The following SYTL5 variants were observed in gnomAD, a reference collection of about 807,000 sequenced individuals.
The protein encoded by SYTL5 is synaptotagmin-like protein 5.
A neutral mutation model predicts 55.9 loss-of-function variants in SYTL5; 34 were observed. The ratio of observed to expected loss-of-function variants is 0.61; its 90% CI spans 0.46 to 0.81. The LOEUF is 0.81. Among genes scored for constraint, SYTL5 ranks in the 30% least tolerant of loss-of-function variants. The pLI is 0.00. For missense variants in SYTL5, 637 were observed against 546.7 expected, an observed-to-expected ratio of 1.17 and a Z score of -1.65; for synonymous variants, 221 against 188.7, an observed-to-expected ratio of 1.17 and a Z score of -1.40.
At position 38,122,142 on chromosome X, in the gene SYTL5, G is replaced by A; in HGVS notation, c.1768G>A (p.Glu590Lys). 6.6e-6 allele frequency: 8 copies of A among 1,205,346 alleles called. No homozygotes were observed. Among genetic ancestry groups the A allele is most frequent in the Non-Finnish European group, 7.9e-6 (7 of 890,369 alleles). Residue 590 changes from glutamate (E) to lysine (K), a missense_variant, in exon 15 of 17, where the codon GAA becomes AAA. Physicochemically the swap from Glu to Lys is moderately conservative, Grantham distance 56. Coordinates refer to ENST00000297875, the MANE Select transcript of SYTL5 (RefSeq NM_138780.3). ...ACCTGTAATCTCTGGAGGAATACTA[G>A]AAGTGTTCATCAAAGAGGCAAAGAA... is the stretch of plus-strand genomic sequence containing the variant. ...ESPVISGGIL[E>K]VFIKEAKNLT...
At chrX:38,077,570 G>T (rs7051090) in intron 6 of SYTL5, among the ~76,000 whole-genome samples, 3,699 of 110,225 alleles carry the variant, frequency 0.034, 141 homozygotes, top group African/African-American at 0.12. Flanking sequence ...TTTGACTATT[G>T]GGTTATTTTT....
At chrX:38,079,829 C>T (rs949493978) in intron 6 of SYTL5, among the ~76,000 whole-genome samples, 1 of 111,923 alleles carries the variant, frequency 8.9e-6, no homozygotes, top group African/African-American at 3.2e-5. Context: ...GACCATTGCA[C>T]TCCTATACCA....
At chrX:38,086,260 A>T (rs1179733929) in intron 6 of SYTL5, among the ~76,000 whole-genome samples, 1 of 111,127 alleles carries the variant, frequency 9.0e-6, no homozygotes, top group Non-Finnish European at 1.9e-5. Flanking sequence ...CCACTCCTGG[A>T]TTCCCTAGCT....
At chrX:37,978,157 G>A in the SYTL5 span, among the ~76,000 whole-genome samples, 1 of 111,502 alleles carries the variant, frequency 9.0e-6, no homozygotes, top group East Asian at 2.8e-4. Context: ...GCAGGAGGTC[G>A]TGGCAAATAC....
chrX:38,103,103 A>G (rs922238346), intron 10 of SYTL5: 1 of 1,135,214 alleles, frequency 8.8e-7, no homozygotes. Context: ...TGAGTTTTCA[A>G]CCTTTCCTTT....
intron 13 of SYTL5, among the ~76,000 whole-genome samples, chrX:38,115,376 C>T (rs891605286): frequency 1.1e-5 from 1 of 94,164 alleles, no homozygotes; most frequent in Non-Finnish European, 2.1e-5. Flanking sequence ...CCCAGCTACT[C>T]GGGAGGCTGA....
At chrX:37,904,802 T>C in the SYTL5 span, among the ~76,000 whole-genome samples, 1 of 111,547 alleles carries the variant, frequency 9.0e-6, no homozygotes, top group African/African-American at 3.3e-5. Context: ...GTAAGAAGTC[T>C]GACAGCTGAA....
At chrX:38,125,859 A>G (rs1462232056) in intron 16 of SYTL5, among the ~76,000 whole-genome samples, 1 of 111,835 alleles carries the variant, frequency 8.9e-6, no homozygotes, top group East Asian at 2.8e-4. Flanking sequence ...TTCTGATGGG[A>G]GGAGAGCGAC....
chrX:38,088,287 A>G (rs190967151), intron 6 of SYTL5, among the ~76,000 whole-genome samples: 136 of 112,142 alleles, frequency 1.2e-3, no homozygotes, highest in African/African-American at 4.2e-3. Flanking sequence ...TATTCTATTT[A>G]ACCTTTCCTC....
At chrX:38,035,120 A>G (rs945215660) in intron 2 of SYTL5, among the ~76,000 whole-genome samples, 7 of 112,595 alleles carry the variant, frequency 6.2e-5, no homozygotes, top group Non-Finnish European at 5.6e-5. Flanking sequence ...CAGAAGCTTC[A>G]TTTCCACTTT....
the SYTL5 span, among the ~76,000 whole-genome samples, chrX:37,908,688 A>G: frequency 8.9e-6 from 1 of 111,835 alleles, no homozygotes; most frequent in Non-Finnish European, 1.9e-5. Context: ...AGGGTGCCAA[A>G]TCACTTTTAT....
chrX:37,941,519 T>C, the SYTL5 span, among the ~76,000 whole-genome samples: 4 of 30,672 alleles, frequency 1.3e-4, no homozygotes, highest in East Asian at 8.7e-3. Flanking sequence ...AAAAACCTGC[T>C]ACTATTACTC....
chrX:37,946,217 T>G, the SYTL5 span: 1 of 116,003 alleles, frequency 8.6e-6, no homozygotes, highest in African/African-American at 3.2e-5. Flanking sequence ...CAGCTGCTTT[T>G]ATGTGTGGAA....
intron 2 of SYTL5, among the ~76,000 whole-genome samples, chrX:38,046,905 A>AG (rs1036738315): frequency 8.9e-6 from 1 of 111,855 alleles, no homozygotes; most frequent in African/African-American, 3.3e-5. Context: ...TCTGAAATCC[A>AG]GGGGGGCAGT....
rs377321182 is a variant in SYTL5, at chrX:38,073,744, C to A, written c.554+46C>A. 2.5e-5 allele frequency: 23 copies of A among 935,086 alleles called. No homozygotes were observed. The African/African-American group carries it at 4.0e-4, about 16-fold the overall frequency. The allele number at this position is 935,086 out of a possible 1,213,427, so 77.1% of individuals were successfully genotyped here. On this transcript the variant is annotated intron_variant, in intron 5 of 16. Coordinates refer to ENST00000297875, the MANE Select transcript of SYTL5 (RefSeq NM_138780.3). ...GGGAATTTTTGATCTTTATTCCAGA[C>A]ACCTCTGAAATGAAGACTCCTTAAT...
At chrX:37,953,576 T>C in the SYTL5 span, among the ~76,000 whole-genome samples, 1 of 111,218 alleles carries the variant, frequency 9.0e-6, no homozygotes, top group Non-Finnish European at 1.9e-5. Context: ...GCTAGAGTCA[T>C]GATCTTAGGC....
the SYTL5 span, among the ~76,000 whole-genome samples, chrX:37,973,998 A>C: frequency 3.6e-5 from 4 of 111,642 alleles, no homozygotes; most frequent in South Asian, 7.4e-4. Context: ...GAATCTAAAC[A>C]AGTCAAATAC....
chrX:38,027,030 C>G (rs1013651496), intron 1 of SYTL5, among the ~76,000 whole-genome samples: 4 of 111,651 alleles, frequency 3.6e-5, no homozygotes, highest in Admixed American at 9.5e-5. Flanking sequence ...TCATGCTGAA[C>G]AGGGGTGATG....
At chrX:38,021,421 C>T (rs1342992393) in intron 1 of SYTL5, among the ~76,000 whole-genome samples, 2 of 111,798 alleles carry the variant, frequency 1.8e-5, no homozygotes, top group Non-Finnish European at 3.8e-5. Flanking sequence ...TTTTCAAATA[C>T]CTACTATGGT....
Sources: allele counts gnomAD v4.1 joint callset (sites outside exome capture counted in the v4.1 genomes callset), GRCh38; gene constraint gnomAD v4.1.1; transcripts MANE v1.5; gene names NCBI Gene and HGNC (gene_info 2026-07-23, HGNC 2026-07-21).